TLK1: variants seen among roughly 807,000 people sequenced by gnomAD.
TLK1 encodes serine/threonine-protein kinase tousled-like 1.
Under a neutral mutation model 105.3 loss-of-function variants are expected in TLK1, and 24 were observed. The observed-to-expected ratio is 0.23, with a 90% CI of 0.17 to 0.32. The LOEUF (loss-of-function observed/expected upper bound fraction) is 0.32, where lower values mean the gene tolerates loss of function less well. TLK1 is among the 10% of genes least tolerant of loss of function. The pLI, the probability that TLK1 is intolerant of heterozygous loss-of-function variation, is 1.00. For synonymous variants in TLK1, 321 were observed against 310.4 expected (o/e 1.03, Z -0.36); for missense variants, 558 against 910.5 (o/e 0.61, Z 4.98).
intron 1 of TLK1, among the ~76,000 whole-genome samples, chr2:171,190,981 G>T (rs1297883519): frequency 6.6e-6 from 1 of 151,546 alleles, no homozygotes; most frequent in Non-Finnish European, 1.5e-5. Flanking sequence ...GGCCAATATG[G>T]TGAAACCCCA....
intron 12 of TLK1, among the ~76,000 whole-genome samples, chr2:171,016,650 G>A (rs1020586517): frequency 1.3e-5 from 2 of 151,954 alleles, no homozygotes; most frequent in Admixed American, 6.6e-5. Context: ...AATTTACTTT[G>A]AAAATATAAA....
At chr2:171,164,241 G>A (rs534415927), upstream of TLK1, among the ~76,000 whole-genome samples, 1 of 152,310 alleles carries the variant, frequency 6.6e-6, no homozygotes, top group East Asian at 1.9e-4. Context: ...GCAATGGGGA[G>A]TTATTTAAAC....
rs3084370 is a variant in TLK1 at position 171,082,030 on chromosome 2, T to TACACACACACACAC, written c.330+737_330+750dup. ...GTAGAAATAAGACTGACGGGAAAAA[T>TACACACACACACAC]ACACACACACACACACACACACACA... On this transcript the variant is annotated intron_variant, in intron 3 of 20. Coordinates refer to ENST00000431350, the MANE Select transcript of TLK1 (RefSeq NM_012290.5). 2.7e-5 allele frequency among the ~76,000 whole-genome samples: 4 copies of TACACACACACACAC among 146,720 alleles called. No individual in the cohort carries two copies. In the South Asian group the frequency reaches 8.7e-4, roughly 32 times the overall value.
chr2:171,017,078 A>T (rs1295396987), intron 12 of TLK1, among the ~76,000 whole-genome samples: 1 of 152,184 alleles, frequency 6.6e-6, no homozygotes, highest in Non-Finnish European at 1.5e-5. Context: ...TTCAATAATC[A>T]AAGTTTCATA....
intron 2 of TLK1, among the ~76,000 whole-genome samples, chr2:171,111,204 T>A (rs1226665981): frequency 6.6e-6 from 1 of 152,204 alleles, no homozygotes; most frequent in Non-Finnish European, 1.5e-5. Flanking sequence ...GTATTGTAAC[T>A]ATATACTAGT....
chr2:171,005,178 T>G (rs1311192509), intron 18 of TLK1, among the ~76,000 whole-genome samples: 1 of 152,248 alleles, frequency 6.6e-6, no homozygotes, highest in Admixed American at 6.5e-5. Flanking sequence ...AAACTAATTT[T>G]CTCTGAGAAC....
intron 1 of TLK1, among the ~76,000 whole-genome samples, chr2:171,222,090 T>C (rs1253835835): frequency 6.6e-6 from 1 of 152,194 alleles, no homozygotes; most frequent in African/African-American, 2.4e-5. Flanking sequence ...TGAGTGAAGC[T>C]TTTAAATGCT....
At chr2:171,195,058 G>C (rs1295714682) in intron 1 of TLK1, among the ~76,000 whole-genome samples, 1 of 152,042 alleles carries the variant, frequency 6.6e-6, no homozygotes, top group Non-Finnish European at 1.5e-5. Flanking sequence ...AAATTTCTCT[G>C]ATATGCATTT....
At chr2:171,190,700 A>T (rs1332497702) in intron 1 of TLK1, among the ~76,000 whole-genome samples, 1 of 152,238 alleles carries the variant, frequency 6.6e-6, no homozygotes, top group Non-Finnish European at 1.5e-5. Flanking sequence ...TAAAGAGGCA[A>T]ACAAAAAGCG....
Position 171,160,473 on chromosome 2 carries a change from G to GGCGGCA in TLK1, c.-51_-46dup. 2 of 1,572,180 alleles carry GGCGGCA rather than the reference G, an allele frequency of 1.3e-6. No homozygotes were observed. The highest frequency in any genetic ancestry group is 2.2e-4 in the Middle Eastern group (1 of 4,574). ...CCGACTCCCCCCCTGCGACGGCAGC[G>GGCGGCA]GCGGCAACGGCACCGGCACCCGCCT... On this transcript the variant is annotated 5_prime_UTR_variant, in exon 1 of 21. Transcript: ENST00000431350. The surrounding 1 kb of genome is among the most constrained non-coding windows in gnomAD (Gnocchi z 4.4).
At chr2:171,143,435 G>A (rs898055115) in intron 1 of TLK1, among the ~76,000 whole-genome samples, 1 of 139,974 alleles carries the variant, frequency 7.1e-6, no homozygotes, top group Non-Finnish European at 1.5e-5. Context: ...GAACCCAGGA[G>A]GCAGAGGTTG....
Position 171,006,841 on chromosome 2 carries a change from T to C in TLK1, c.1557A>G (p.Arg519=). 2.5e-6 allele frequency: 4 copies of C among 1,613,304 alleles called. No individual in the cohort carries two copies. The highest frequency in any genetic ancestry group is 3.4e-6 in the Non-Finnish European group (4 of 1,179,488). ...YRIHKELDHP[R]IVKLYDYFSL... ...AGAAATAATCATAGAGTTTAACTAT[T>C]CTGGGGTGATCCAGTTCTTTGTGTA... The change falls in exon 16 of 21, where the codon AGA becomes AGG. Residue 519 remains arginine, a synonymous_variant. Transcript: ENST00000431350.
intron 2 of TLK1, chr2:171,091,825 A>G (rs185879247): frequency 1.3e-5 from 2 of 152,114 alleles, no homozygotes; most frequent in East Asian, 3.9e-4. Context: ...GCTAACTGCA[A>G]GCTCCGCCTC....
At chr2:171,224,164 T>G (rs376208494) in intron 1 of TLK1, among the ~76,000 whole-genome samples, 1 of 152,206 alleles carries the variant, frequency 6.6e-6, no homozygotes, top group South Asian at 2.1e-4. Flanking sequence ...CTTCCACATA[T>G]GGCTATCCAG....
chr2:171,017,913 T>C lies in TLK1; in HGVS notation c.1237-2965A>G, dbSNP rs571184495. Among the ~76,000 whole-genome samples, 7 of 152,352 alleles carry C rather than the reference T, an allele frequency of 4.6e-5. No homozygotes were observed. The East Asian group carries it at 1.2e-3, about 25-fold the overall frequency. The stretch of plus-strand genomic sequence containing the variant: ...TATATTTGTCTTTCATCTTGTAAGT[T>C]AGTATTTCACAGTATCTTGGACTTC... On this transcript the variant is annotated intron_variant, in intron 12 of 20. Coordinates refer to ENST00000431350, the MANE Select transcript of TLK1 (RefSeq NM_012290.5).
At chr2:171,074,536 G>A (rs763420859) in intron 3 of TLK1, among the ~76,000 whole-genome samples, 6 of 150,716 alleles carry the variant, frequency 4.0e-5, no homozygotes, top group East Asian at 2.0e-4. Flanking sequence ...GCTGAGGCCA[G>A]AGAATTGCTG....
intron 4 of TLK1, among the ~76,000 whole-genome samples, chr2:171,058,539 A>G (rs957172720): frequency 1.3e-5 from 2 of 152,162 alleles, no homozygotes; most frequent in African/African-American, 4.8e-5. Context: ...CCATAACATG[A>G]TTCCTGTCAA....
At chr2:171,071,166 GTTAT>G (rs1382257247) in intron 3 of TLK1, among the ~76,000 whole-genome samples, 2 of 152,126 alleles carry the variant, frequency 1.3e-5, no homozygotes, top group Non-Finnish European at 2.9e-5. Context: ...ATATATTCTA[GTTAT>G]TTATTCCTTG....
chr2:171,182,633 A>G (rs1396190128), intron 1 of TLK1, among the ~76,000 whole-genome samples: 1 of 152,124 alleles, frequency 6.6e-6, no homozygotes, highest in African/African-American at 2.4e-5. Flanking sequence ...AAAAGAATAT[A>G]CTGAGGCCAG....
Sources: allele counts gnomAD v4.1 joint callset (sites outside exome capture counted in the v4.1 genomes callset), GRCh38; gene constraint gnomAD v4.1.1; non-coding constraint Gnocchi (gnomAD v3.1); transcripts MANE v1.5; gene names NCBI Gene and HGNC (gene_info 2026-07-23, HGNC 2026-07-21).